The following RXRA variants were observed in gnomAD, a reference collection of about 807,000 sequenced individuals.
RXRA encodes retinoid X receptor alpha.
RXRA carries 5 observed loss-of-function variants against 44.5 expected under a neutral mutation model. That is an observed-to-expected ratio of 0.11 (90% CI 0.06 to 0.24). The LOEUF (loss-of-function observed/expected upper bound fraction) is 0.24. Among genes scored for constraint, RXRA ranks in the 10% least tolerant of loss-of-function variants. The pLI is 1.00. For synonymous variants in RXRA, 291 were observed against 271.4 expected (o/e 1.07, Z -0.71); for missense variants, 412 against 646.5 (o/e 0.64, Z 3.93).
intron 1 of RXRA, among the ~76,000 whole-genome samples, chr9:134,378,658 G>A (rs1197678980): frequency 6.6e-5 from 10 of 152,292 alleles, no homozygotes; most frequent in Middle Eastern, 3.4e-3. Context: ...AGGCTGGGTC[G>A]GCCGCTCAGA....
At chr9:134,424,699 G>A (rs1831404743) in intron 6 of RXRA, 1 of 985,370 alleles carries the variant, frequency 1.0e-6, no homozygotes, top group African/African-American at 1.7e-5. Flanking sequence ...GGAGTTTGAA[G>A]CCTGCACTGG....
chr9:134,326,952 C>T (rs1363202179), intron 1 of RXRA, among the ~76,000 whole-genome samples: 1 of 150,772 alleles, frequency 6.6e-6, no homozygotes, highest in Non-Finnish European at 1.5e-5. Flanking sequence ...CGGCCGCCTG[C>T]GCCCCGGCGC....
chr9:134,435,698 G>A (rs1318970628), intron 9 of RXRA, among the ~76,000 whole-genome samples: 1 of 152,106 alleles, frequency 6.6e-6, no homozygotes, highest in African/African-American at 2.4e-5. Flanking sequence ...TCCCCCGCCT[G>A]ATGCTCTTTG....
At chr9:134,355,630 A>G (rs559124418) in intron 1 of RXRA, among the ~76,000 whole-genome samples, 15 of 152,022 alleles carry the variant, frequency 9.9e-5, no homozygotes, top group Non-Finnish European at 1.8e-4. Flanking sequence ...ACAGGTTTTC[A>G]AAGCTGCCCT....
At chr9:134,414,465 G>A (rs530444797) in intron 4 of RXRA, among the ~76,000 whole-genome samples, 1 of 152,368 alleles carries the variant, frequency 6.6e-6, no homozygotes, top group African/African-American at 2.4e-5. Flanking sequence ...GGGGGTGGGC[G>A]CTGTCATTTT....
chr9:134,409,598 C>A (rs1478635299), intron 4 of RXRA, among the ~76,000 whole-genome samples: 2 of 152,218 alleles, frequency 1.3e-5, no homozygotes, highest in East Asian at 3.8e-4. Flanking sequence ...GAAGTCCCTC[C>A]CCCGATGTCA....
intron 1 of RXRA, among the ~76,000 whole-genome samples, chr9:134,356,637 C>G (rs1830287007): frequency 6.6e-6 from 1 of 152,250 alleles, no homozygotes; most frequent in Non-Finnish European, 1.5e-5. Flanking sequence ...TGAGCACCTA[C>G]TGTATGCTAG....
At chr9:134,406,554 G>T (rs1831053527) in intron 2 of RXRA, among the ~76,000 whole-genome samples, 1 of 152,216 alleles carries the variant, frequency 6.6e-6, no homozygotes, top group Non-Finnish European at 1.5e-5. Context: ...CGCCTCTGGG[G>T]CCTCCAGTGC....
At chr9:134,424,303 C>T (rs1467660178) in intron 6 of RXRA, 76 of 985,266 alleles carry the variant, frequency 7.7e-5, no homozygotes, top group Non-Finnish European at 8.6e-5. Flanking sequence ...AAAGCCATCC[C>T]GTGGCATCTC....
chr9:134,344,613 TC>T (rs1830127856), intron 1 of RXRA, among the ~76,000 whole-genome samples: 1 of 152,130 alleles, frequency 6.6e-6, no homozygotes. Context: ...CCTCCCCACC[TC>T]CCGGGCCTCT....
intron 1 of RXRA, among the ~76,000 whole-genome samples, chr9:134,328,288 G>T (rs1834947761): frequency 6.6e-6 from 1 of 152,224 alleles, no homozygotes; most frequent in Non-Finnish European, 1.5e-5. Context: ...TGAGTACTGA[G>T]AACCGAACAG....
Position 134,427,136 on chromosome 9 carries a change from A to G in RXRA, c.911-1972A>G, listed in dbSNP as rs192544716. 4 of 985,084 alleles carry G rather than the reference A, an allele frequency of 4.1e-6. No homozygotes were observed. The African/African-American group carries it at 7.0e-5, about 17-fold the overall frequency. 61.0% of individuals were successfully genotyped at this position (985,084 alleles called of 1,614,324 possible). ...CCTCTTCTAGATTAGACTTCTCCCA[A>G]ATGTGATGCTACAGATGTTTCATTG... On this transcript the variant is annotated intron_variant, in intron 6 of 9. Coordinates refer to ENST00000481739, the MANE Select transcript of RXRA (RefSeq NM_002957.6).
At chr9:134,375,059 G>T (rs1830539463) in intron 1 of RXRA, among the ~76,000 whole-genome samples, 1 of 152,202 alleles carries the variant, frequency 6.6e-6, no homozygotes, top group African/African-American at 2.4e-5. Context: ...TTGAGGGGGT[G>T]TGTAGGAGAT....
At chr9:134,403,713 G>A (rs1199854711) in intron 2 of RXRA, 1 of 152,746 alleles carries the variant, frequency 6.5e-6, no homozygotes, top group South Asian at 2.1e-4. Flanking sequence ...AGGCTTTTCA[G>A]GGCTGCTTCT....
chr9:134,425,710 T>A (rs1831423241), intron 6 of RXRA: 1 of 985,142 alleles, frequency 1.0e-6, no homozygotes, highest in Non-Finnish European at 1.2e-6. Flanking sequence ...CCTGCCCACA[T>A]CTCTGGCCCC....
At chr9:134,395,814 C>T (rs1357924718) in intron 1 of RXRA, among the ~76,000 whole-genome samples, 1 of 152,260 alleles carries the variant, frequency 6.6e-6, no homozygotes, top group African/African-American at 2.4e-5. Flanking sequence ...CTGGCCTGTC[C>T]TCAGATGGGG....
intron 1 of RXRA, among the ~76,000 whole-genome samples, chr9:134,376,200 T>C (rs1830554615): frequency 6.6e-6 from 1 of 152,152 alleles, no homozygotes. Flanking sequence ...GGCCTTCTTG[T>C]GGAGGCCCAG....
At chr9:134,391,128 C>T (rs1410859120) in intron 1 of RXRA, among the ~76,000 whole-genome samples, 1 of 152,180 alleles carries the variant, frequency 6.6e-6, no homozygotes, top group Non-Finnish European at 1.5e-5. Context: ...GGGATGTCCC[C>T]CAGAGAGGCC....
chr9:134,414,909 G>A (rs915507204), intron 4 of RXRA, among the ~76,000 whole-genome samples: 7 of 152,122 alleles, frequency 4.6e-5, no homozygotes, highest in East Asian at 1.9e-4. Flanking sequence ...TAGTGACCCC[G>A]CCCCGGATGA....
Sources: allele counts gnomAD v4.1 joint callset (sites outside exome capture counted in the v4.1 genomes callset), GRCh38; gene constraint gnomAD v4.1.1; transcripts MANE v1.5; gene names NCBI Gene and HGNC (gene_info 2026-07-23, HGNC 2026-07-21).